SYT16: variants seen among roughly 807,000 people sequenced by gnomAD.
SYT16 encodes synaptotagmin 16.
SYT16 carries 42 observed loss-of-function variants against 61.4 expected under a neutral mutation model. That is an observed-to-expected ratio of 0.68 (90% CI 0.53 to 0.89). SYT16 has a LOEUF of 0.89. Among genes scored for constraint, SYT16 ranks in the 40% least tolerant of loss-of-function variants. The pLI, the probability that SYT16 is intolerant of heterozygous loss-of-function variation, is 0.00. For synonymous variants in SYT16, 314 were observed against 302.3 expected (o/e 1.04, Z -0.40); for missense variants, 804 against 807.3 (o/e 1.00, Z 0.05).
chr14:62,070,180 C>G (rs2056245026), intron 4 of SYT16, among the ~76,000 whole-genome samples: 1 of 152,210 alleles, frequency 6.6e-6, no homozygotes, highest in Non-Finnish European at 1.5e-5. Context: ...CATTGAGAGT[C>G]TGTGCCATTT....
chr14:61,915,979 C>T (rs2049106962), intron 1 of SYT16, among the ~76,000 whole-genome samples: 2 of 152,178 alleles, frequency 1.3e-5, no homozygotes, highest in African/African-American at 4.8e-5. Flanking sequence ...TTGGAGCATT[C>T]TTGTGTTCCT....
chr14:61,938,731 AG>A (rs2050089478), intron 1 of SYT16, among the ~76,000 whole-genome samples: 1 of 152,242 alleles, frequency 6.6e-6, no homozygotes, highest in Non-Finnish European at 1.5e-5. Flanking sequence ...GTTAAAAAAC[AG>A]GTGAAGATGA....
intron 1 of SYT16, among the ~76,000 whole-genome samples, chr14:61,941,521 T>G (rs928042741): frequency 5.3e-5 from 8 of 152,190 alleles, no homozygotes; most frequent in African/African-American, 1.9e-4. Flanking sequence ...GAGACATTCT[T>G]GCTACTTTTC....
chr14:62,032,331 G>T (rs2054338288), intron 3 of SYT16, among the ~76,000 whole-genome samples: 1 of 151,936 alleles, frequency 6.6e-6, no homozygotes, highest in South Asian at 2.1e-4. Context: ...AGTCTTTGTG[G>T]CTTTTAATTC....
intron 1 of SYT16, among the ~76,000 whole-genome samples, chr14:61,883,291 A>G (rs1023035322): frequency 6.6e-6 from 1 of 152,144 alleles, no homozygotes; most frequent in Non-Finnish European, 1.5e-5. Context: ...ACATCATTGG[A>G]CTGCAAATTT....
chr14:61,884,850 C>T (rs1431969241), intron 1 of SYT16, among the ~76,000 whole-genome samples: 1 of 152,108 alleles, frequency 6.6e-6, no homozygotes, highest in Non-Finnish European at 1.5e-5. Context: ...GGCAGAAAGT[C>T]AATAAATGTG....
At chr14:61,844,515 A>G (rs1451356963) in intron 1 of SYT16, among the ~76,000 whole-genome samples, 1 of 152,094 alleles carries the variant, frequency 6.6e-6, no homozygotes, top group African/African-American at 2.4e-5. Flanking sequence ...GATACTAGCT[A>G]TGGGTCTGTT....
At chr14:61,974,058 G>A (rs2051678276) in intron 2 of SYT16, among the ~76,000 whole-genome samples, 1 of 152,174 alleles carries the variant, frequency 6.6e-6, no homozygotes, top group Admixed American at 6.5e-5. Flanking sequence ...TGTGGGCCTG[G>A]GGGGCTGTGG....
intron 3 of SYT16, among the ~76,000 whole-genome samples, chr14:62,050,514 A>G (rs2055226952): frequency 6.6e-6 from 1 of 152,126 alleles, no homozygotes; most frequent in African/African-American, 2.4e-5. Flanking sequence ...GTTGCTGGTG[A>G]GGAGCTGCGT....
chr14:61,958,751 T>C (rs2050987731), intron 1 of SYT16, among the ~76,000 whole-genome samples: 1 of 152,064 alleles, frequency 6.6e-6, no homozygotes, highest in Non-Finnish European at 1.5e-5. Flanking sequence ...ATGTTCTGTA[T>C]GTATCTGTTA....
chr14:62,049,723 T>C (rs1026931219), intron 3 of SYT16, among the ~76,000 whole-genome samples: 20 of 152,308 alleles, frequency 1.3e-4, no homozygotes, highest in African/African-American at 3.6e-4. Context: ...TTTTATTTCT[T>C]CTTCACTTAT....
chr14:62,096,166 G>T (rs546943161), intron 7 of SYT16, among the ~76,000 whole-genome samples: 2 of 151,952 alleles, frequency 1.3e-5, no homozygotes, highest in Non-Finnish European at 2.9e-5. Context: ...TTTGGGTAGG[G>T]TTTCTTTTAA....
chr14:61,965,761 G>A (rs191495330), intron 1 of SYT16, among the ~76,000 whole-genome samples: 44 of 152,044 alleles, frequency 2.9e-4, no homozygotes, highest in Admixed American at 2.0e-3. Context: ...TGTAGTTTAA[G>A]ATGGAACAAG....
At chr14:61,948,241 G>T (rs902237847) in intron 1 of SYT16, among the ~76,000 whole-genome samples, 1 of 152,024 alleles carries the variant, frequency 6.6e-6, no homozygotes, top group Admixed American at 6.6e-5. Context: ...AAGTGTATGT[G>T]TGTAAAATAA....
At chr14:62,069,872 A>G in intron 4 of SYT16, 57 bp downstream of exon 4, 1 of 1,557,974 alleles carries the variant, frequency 6.4e-7, no homozygotes, top group Admixed American at 1.7e-5. Flanking sequence ...GTAAGAGTGC[A>G]TCCGAATTAT....
intron 3 of SYT16, among the ~76,000 whole-genome samples, chr14:62,018,527 G>A (rs771945551): frequency 1.3e-5 from 2 of 151,734 alleles, no homozygotes; most frequent in African/African-American, 2.4e-5. Flanking sequence ...GGCTGGTCTC[G>A]AACTCCTGAC....
At chr14:61,860,596 A>AT (rs1299856275) in intron 1 of SYT16, among the ~76,000 whole-genome samples, 1 of 152,204 alleles carries the variant, frequency 6.6e-6, no homozygotes, top group Non-Finnish European at 1.5e-5. Flanking sequence ...TTTTTATTGT[A>AT]TTTTTAAAAA....
rs184932890 is a variant in SYT16 at position 62,111,283 on chromosome 14, A to G, written c.*10576A>G. The G allele has an allele frequency of 6.6e-6, 1 of 152,172 alleles. No individual in the cohort carries two copies. The highest frequency in any genetic ancestry group is 2.4e-5 in the African/African-American group (1 of 41,562). 9.4% of individuals were successfully genotyped at this position (152,172 alleles called of 1,614,324 possible). A position where few individuals can be genotyped will look rare whatever the true frequency, so the allele number is the denominator to read the frequency against. On this transcript the variant is annotated 3_prime_UTR_variant, in exon 8 of 8. Coordinates refer to ENST00000683842, the MANE Select transcript of SYT16 (RefSeq NM_001367656.1). Reference sequence around the variant, plus strand: ...AAATGTAAATGTGAATGATTCATTCATTTTGAACATATGTAACTATTTTAG... The same window carrying G: ...AAATGTAAATGTGAATGATTCATTCGTTTTGAACATATGTAACTATTTTAG...
At chr14:62,017,688 G>A (rs930687575) in intron 3 of SYT16, among the ~76,000 whole-genome samples, 3 of 151,030 alleles carry the variant, frequency 2.0e-5, no homozygotes, top group Non-Finnish European at 2.9e-5. Context: ...CACTGCTATC[G>A]TGGTGCTTTA....
Sources: gnomAD v4.1 joint callset for allele counts (sites outside exome capture counted in the v4.1 genomes callset) on GRCh38, gnomAD v4.1.1 for gene constraint, MANE v1.5 for transcripts, NCBI Gene and HGNC (gene_info 2026-07-23, HGNC 2026-07-21) for gene names.